Variants in MAF observed in about 807,000 individuals in gnomAD.
The protein encoded by MAF is MAF bZIP transcription factor, also known as transcription factor Maf.
MAF carries 10 observed loss-of-function variants against 22.0 expected under a neutral mutation model. That is an observed-to-expected ratio of 0.45 (90% CI 0.28 to 0.77). The LOEUF (loss-of-function observed/expected upper bound fraction) is 0.77, where lower values mean the gene tolerates loss of function less well. Among genes scored for constraint, MAF ranks in the 30% least tolerant of loss-of-function variants. The pLI is 0.12. For missense variants in MAF, 544 were observed against 548.4 expected, an observed-to-expected ratio of 0.99 and a Z score of 0.08; for synonymous variants, 337 against 255.8, an observed-to-expected ratio of 1.32 and a Z score of -3.03.
the MAF span, among the ~76,000 whole-genome samples, chr16:79,517,288 TG>T: frequency 6.6e-6 from 1 of 152,174 alleles, no homozygotes; most frequent in Non-Finnish European, 1.5e-5. Context: ...AGTACTGATG[TG>T]GGAAACATGT....
the MAF span, among the ~76,000 whole-genome samples, chr16:79,481,919 G>A: frequency 9.7e-4 from 148 of 152,272 alleles, no homozygotes; most frequent in Non-Finnish European, 1.8e-3. Flanking sequence ...AAGCAGGTGC[G>A]ACCTGCTCAG....
the MAF span, among the ~76,000 whole-genome samples, chr16:79,365,771 G>A: frequency 6.6e-6 from 1 of 152,184 alleles, no homozygotes; most frequent in Non-Finnish European, 1.5e-5. Context: ...ATGGGGTGAA[G>A]TTTCCTAGAA....
chr16:79,498,015 G>A, the MAF span, among the ~76,000 whole-genome samples: 1 of 152,196 alleles, frequency 6.6e-6, no homozygotes, highest in African/African-American at 2.4e-5. Context: ...TAAAGGGACA[G>A]GAGCTGAAGA....
chr16:79,467,837 T>C, the MAF span, among the ~76,000 whole-genome samples: 1 of 145,732 alleles, frequency 6.9e-6, no homozygotes, highest in Non-Finnish European at 1.5e-5. Context: ...TGTTTAAATA[T>C]GGAGGGGAGG....
At chr16:79,457,799 G>A in the MAF span, among the ~76,000 whole-genome samples, 1 of 152,164 alleles carries the variant, frequency 6.6e-6, no homozygotes, top group East Asian at 1.9e-4. Flanking sequence ...GAAGGTCATG[G>A]TATCTTTCAT....
the MAF span, among the ~76,000 whole-genome samples, chr16:79,457,755 G>C: frequency 1.4e-4 from 22 of 152,164 alleles, no homozygotes; most frequent in South Asian, 4.4e-3. Context: ...TTTTGTGGTG[G>C]GGCAGGCACC....
chr16:79,595,510 G>T (rs1335158638), intron 1 of MAF: 37 of 1,059,754 alleles, frequency 3.5e-5, no homozygotes, highest in Non-Finnish European at 4.2e-5. Flanking sequence ...TTCTATTGGT[G>T]TGCTAGGGGA....
chr16:79,440,881 T>C, the MAF span, among the ~76,000 whole-genome samples: 1 of 152,220 alleles, frequency 6.6e-6, no homozygotes, highest in South Asian at 2.1e-4. Context: ...CAGGAACAAG[T>C]GGCCCAAAGG....
the MAF span, among the ~76,000 whole-genome samples, chr16:79,264,291 A>T: frequency 6.6e-6 from 1 of 152,240 alleles, no homozygotes; most frequent in South Asian, 2.1e-4. Flanking sequence ...ACTAAAAACA[A>T]CTGCCTGCCC....
chr16:79,534,893 G>T, the MAF span, among the ~76,000 whole-genome samples: 1 of 152,140 alleles, frequency 6.6e-6, no homozygotes, highest in Non-Finnish European at 1.5e-5. Flanking sequence ...GACAGTGTGG[G>T]CCAACCGCTT....
chr16:79,355,999 C>A, the MAF span, among the ~76,000 whole-genome samples: 1 of 152,250 alleles, frequency 6.6e-6, no homozygotes, highest in South Asian at 2.1e-4. Flanking sequence ...CCTTTCTCCT[C>A]CCCGGAGAGC....
At chr16:79,249,676 T>A in the MAF span, among the ~76,000 whole-genome samples, 1 of 152,152 alleles carries the variant, frequency 6.6e-6, no homozygotes, top group Non-Finnish European at 1.5e-5. Context: ...GATAATTAAA[T>A]CTCCCTAATT....
At chr16:79,357,575 G>C in the MAF span, among the ~76,000 whole-genome samples, 26 of 152,304 alleles carry the variant, frequency 1.7e-4, no homozygotes, top group African/African-American at 6.0e-4. Context: ...ATCCGGGAAA[G>C]TTTGCAGTTA....
chr16:79,465,259 C>T, the MAF span, among the ~76,000 whole-genome samples: 1 of 152,160 alleles, frequency 6.6e-6, no homozygotes, highest in Non-Finnish European at 1.5e-5. Flanking sequence ...ATTTTCATTA[C>T]CTTTCTGGAT....
At chr16:79,480,123 G>C in the MAF span, among the ~76,000 whole-genome samples, 1 of 152,046 alleles carries the variant, frequency 6.6e-6, no homozygotes, top group Admixed American at 6.6e-5. Context: ...TGCTTTGCTT[G>C]GTCTGGCTGA....
the MAF span, among the ~76,000 whole-genome samples, chr16:79,238,340 A>T: frequency 3.3e-5 from 5 of 152,058 alleles, no homozygotes; most frequent in African/African-American, 9.7e-5. Flanking sequence ...GCAGGTACCC[A>T]CTGTCCTTCA....
chr16:79,389,927 G>C, the MAF span, among the ~76,000 whole-genome samples: 6 of 121,342 alleles, frequency 4.9e-5, no homozygotes, highest in Non-Finnish European at 9.5e-5. Context: ...AGTGAGCTGA[G>C]ATCGTACCAC....
At chr16:79,280,658 C>A in the MAF span, among the ~76,000 whole-genome samples, 1 of 152,148 alleles carries the variant, frequency 6.6e-6, no homozygotes, top group Non-Finnish European at 1.5e-5. Context: ...GTGCTATTCA[C>A]ACTCCAGGGC....
the MAF span, among the ~76,000 whole-genome samples, chr16:79,564,598 A>G: frequency 6.6e-6 from 1 of 152,198 alleles, no homozygotes; most frequent in Non-Finnish European, 1.5e-5. Flanking sequence ...TGTCCATGTG[A>G]CAACTCTCGG....
Sources: allele counts gnomAD v4.1 joint callset (sites outside exome capture counted in the v4.1 genomes callset), GRCh38; gene constraint gnomAD v4.1.1; transcripts MANE v1.5; gene names NCBI Gene and HGNC (gene_info 2026-07-23, HGNC 2026-07-21).